PCDH15: variants seen among roughly 807,000 people sequenced by gnomAD.
The protein encoded by PCDH15 is protocadherin related 15, also known as protocadherin-15.
Under a neutral mutation model 178.5 loss-of-function variants are expected in PCDH15, and 129 were observed. The observed-to-expected ratio is 0.72, with a 90% CI of 0.63 to 0.84. The LOEUF (loss-of-function observed/expected upper bound fraction) is 0.84. Ranked by LOEUF, PCDH15 falls within the 40% of genes least tolerant of loss-of-function variation. The pLI is 0.00. For synonymous variants in PCDH15, 800 were observed against 732.0 expected (o/e 1.09, Z -1.50); for missense variants, 2,230 against 2,099.9 (o/e 1.06, Z -1.21).
intron 5 of PCDH15, among the ~76,000 whole-genome samples, chr10:54,357,519 C>A (rs1945220761): frequency 6.6e-6 from 1 of 151,990 alleles, no homozygotes; most frequent in Admixed American, 6.6e-5. Flanking sequence ...AAAGAGGATA[C>A]AAACAAATGG....
At position 53,887,923 on chromosome 10, in the gene PCDH15, A is replaced by G. The variant is rs1170141322; in HGVS notation, c.3501+15320T>C. ...AAAATAAAAAACAAAAAACAAAAAA[A>G]CAAAAACTAACTCCTAAAACATAGG... On this transcript the variant is annotated intron_variant, in intron 26 of 37. Transcript: ENST00000644397. 2.0e-5 allele frequency among the ~76,000 whole-genome samples: 3 copies of G among 152,016 alleles called. No homozygotes were observed. In the East Asian group the frequency reaches 5.8e-4, roughly 29 times the overall value.
intron 2 of PCDH15, among the ~76,000 whole-genome samples, chr10:54,570,053 TG>T (rs2089591326): frequency 6.6e-6 from 1 of 151,758 alleles, no homozygotes; most frequent in African/African-American, 2.4e-5. Context: ...TGTGTGTGTG[TG>T]TGTCTGTGTG....
chr10:53,817,764 T>C (rs1054825783), intron 34 of PCDH15, among the ~76,000 whole-genome samples: 2 of 152,048 alleles, frequency 1.3e-5, no homozygotes, highest in South Asian at 2.1e-4. Context: ...ACAAAATACA[T>C]GTATCCTTAA....
rs146999125 is a variant in PCDH15 at position 55,339,559 on chromosome 10, T to G, written c.-155-172908A>C. 1.6e-3 allele frequency among the ~76,000 whole-genome samples: 240 copies of G among 152,282 alleles called. 1 individual carries two copies. Among genetic ancestry groups the G allele is most frequent in the African/African-American group, 5.7e-3 (237 of 41,576 alleles). On this transcript the variant is annotated intron_variant, in intron 2 of 5. Coordinates refer to the PCDH15 transcript ENST00000613346. ...ATACAAAAGGTTTTTCTATGCTGCA[T>G]TGGTTAGATCCCATCAAGAGTTTTA...
At chr10:55,181,079 A>C (rs1839635432) in intron 1 of PCDH15, among the ~76,000 whole-genome samples, 1 of 152,082 alleles carries the variant, frequency 6.6e-6, no homozygotes, top group Non-Finnish European at 1.5e-5. Flanking sequence ...TGGCAAAGTG[A>C]TATTTAAAAT....
intron 3 of PCDH15, among the ~76,000 whole-genome samples, chr10:54,869,273 C>G (rs982498705): frequency 1.3e-5 from 2 of 152,120 alleles, no homozygotes; most frequent in Admixed American, 6.6e-5. Flanking sequence ...TACCATACCA[C>G]AAGTATCTGG....
intron 3 of PCDH15, among the ~76,000 whole-genome samples, chr10:54,517,257 C>A (rs1026976999): frequency 6.6e-6 from 1 of 152,094 alleles, no homozygotes; most frequent in Non-Finnish European, 1.5e-5. Context: ...TTAAAAGACA[C>A]AGACTGGCAA....
intron 20 of PCDH15, among the ~76,000 whole-genome samples, chr10:54,003,221 G>A (rs1328572284): frequency 2.0e-5 from 3 of 152,062 alleles, no homozygotes; most frequent in African/African-American, 7.2e-5. Context: ...AGAGCAGGCT[G>A]AAGCCAAAAT....
At chr10:54,527,944 A>T in intron 2 of PCDH15, 67 bp from the exon 3 acceptor site, 1 of 1,202,026 alleles carries the variant, frequency 8.3e-7, no homozygotes, top group Non-Finnish European at 1.2e-6. Context: ...AAAAAAATTC[A>T]TTGAGATGTA....
At chr10:54,389,144 GGAA>G (rs1950240841) in intron 3 of PCDH15, among the ~76,000 whole-genome samples, 1 of 3,784 alleles carries the variant, frequency 2.6e-4, no homozygotes, top group Non-Finnish European at 1.1e-3. Flanking sequence ...AATCTACAGA[GGAA>G]AAAAAAACAA....
At chr10:55,601,845 G>A (rs1328541086) in intron 2 of PCDH15, among the ~76,000 whole-genome samples, 1 of 152,064 alleles carries the variant, frequency 6.6e-6, no homozygotes, top group Non-Finnish European at 1.5e-5. Flanking sequence ...ATGACAAACT[G>A]AATAATTAAG....
chr10:54,264,064 T>A (rs576848788), intron 8 of PCDH15, among the ~76,000 whole-genome samples: 55 of 152,230 alleles, frequency 3.6e-4, no homozygotes, highest in African/African-American at 1.3e-3. Flanking sequence ...AGGCCTTCAG[T>A]CACAGACTGA....
chr10:55,327,766 T>A (rs1404678818), intron 2 of PCDH15, among the ~76,000 whole-genome samples: 1 of 152,022 alleles, frequency 6.6e-6, no homozygotes, highest in Non-Finnish European at 1.5e-5. Context: ...ACACCTAAAT[T>A]TACCTGGAAA....
intron 2 of PCDH15, among the ~76,000 whole-genome samples, chr10:55,502,844 T>C (rs2132141433): frequency 6.6e-6 from 1 of 151,824 alleles, no homozygotes; most frequent in Admixed American, 6.6e-5. Context: ...TTATTCTTTT[T>C]TTTCGTGTTT....
At chr10:54,720,917 A>G (rs1941495095) in intron 1 of PCDH15, among the ~76,000 whole-genome samples, 2 of 152,050 alleles carry the variant, frequency 1.3e-5, no homozygotes, top group Non-Finnish European at 2.9e-5. Context: ...ATTACATTTC[A>G]TCCTAAACCA....
intron 2 of PCDH15, among the ~76,000 whole-genome samples, chr10:54,623,367 T>C (rs1171998437): frequency 1.3e-5 from 2 of 152,154 alleles, no homozygotes. Flanking sequence ...TTATATATTT[T>C]ATAAGTACTA....
At chr10:55,365,649 C>T (rs894509937) in intron 2 of PCDH15, among the ~76,000 whole-genome samples, 1 of 111,392 alleles carries the variant, frequency 9.0e-6, no homozygotes, top group Non-Finnish European at 1.9e-5. Context: ...AGAATGAGTA[C>T]CACGAGATAT....
chr10:54,870,809 TAA>T (rs11285623), intron 3 of PCDH15, among the ~76,000 whole-genome samples: 15 of 150,932 alleles, frequency 9.9e-5, no homozygotes, highest in South Asian at 2.1e-4. Flanking sequence ...AATAAAAAAA[TAA>T]AAAAAAAATC....
chr10:54,658,156 C>T (rs2094439002), intron 2 of PCDH15, among the ~76,000 whole-genome samples: 1 of 151,702 alleles, frequency 6.6e-6, no homozygotes, highest in South Asian at 2.1e-4. Flanking sequence ...GCAACCAAAC[C>T]TATACTTAGA....
Sources: gnomAD v4.1 joint callset for allele counts (sites outside exome capture counted in the v4.1 genomes callset) on GRCh38, gnomAD v4.1.1 for gene constraint, MANE v1.5 for transcripts, NCBI Gene and HGNC (gene_info 2026-07-23, HGNC 2026-07-21) for gene names.